Variants in OPCML observed in about 807,000 individuals in gnomAD.
The protein encoded by OPCML is opioid binding protein/cell adhesion molecule like.
Under a neutral mutation model 37.8 loss-of-function variants are expected in OPCML, and 13 were observed. That is an observed-to-expected ratio of 0.34 (90% CI 0.22 to 0.55). The LOEUF (loss-of-function observed/expected upper bound fraction) is 0.55, where lower values mean the gene tolerates loss of function less well. OPCML is among the 20% of genes least tolerant of loss of function. OPCML has a pLI of 0.91. For missense variants in OPCML, 341 were observed against 435.6 expected, an observed-to-expected ratio of 0.78 and a Z score of 1.93; for synonymous variants, 176 against 168.8, an observed-to-expected ratio of 1.04 and a Z score of -0.33.
At chr11:132,454,102 G>T (rs1453576265) in intron 4 of OPCML, among the ~76,000 whole-genome samples, 1 of 152,178 alleles carries the variant, frequency 6.6e-6, no homozygotes, top group African/African-American at 2.4e-5. Flanking sequence ...GCGGGGGAAG[G>T]TTAAGAAACC....
At chr11:132,711,818 C>A (rs1028459060) in intron 2 of OPCML, among the ~76,000 whole-genome samples, 1 of 152,164 alleles carries the variant, frequency 6.6e-6, no homozygotes, top group African/African-American at 2.4e-5. Flanking sequence ...TGTACACAAG[C>A]ACAGAGATCC....
intron 1 of OPCML, among the ~76,000 whole-genome samples, chr11:132,958,695 T>C (rs1946020855): frequency 6.6e-6 from 1 of 152,212 alleles, no homozygotes; most frequent in Non-Finnish European, 1.5e-5. Flanking sequence ...TTAAGAATCA[T>C]GCCAAATCTA....
At chr11:133,499,608 T>A (rs1016434598) in intron 1 of OPCML, among the ~76,000 whole-genome samples, 5 of 151,780 alleles carry the variant, frequency 3.3e-5, no homozygotes, top group Admixed American at 3.3e-4. Flanking sequence ...AGGCAGACTC[T>A]CTGATGGATT....
At chr11:132,864,965 G>T (rs1038143965) in intron 2 of OPCML, among the ~76,000 whole-genome samples, 3 of 152,240 alleles carry the variant, frequency 2.0e-5, no homozygotes, top group African/African-American at 7.2e-5. Context: ...GTGGGAGAGC[G>T]GACAGCGAGC....
chr11:132,570,814 G>GAGAGAGAGAGAGAGAGAGAT (rs2096436562), intron 3 of OPCML, among the ~76,000 whole-genome samples: 1 of 124,278 alleles, frequency 8.0e-6, no homozygotes, highest in African/African-American at 3.0e-5. Context: ...TAGAGAGAGA[G>GAGAGAGAGAGAGAGAGAGAT]AGAGAGGATA....
At chr11:133,229,424 T>C (rs1592124773) in intron 1 of OPCML, among the ~76,000 whole-genome samples, 1 of 152,206 alleles carries the variant, frequency 6.6e-6, no homozygotes, top group Non-Finnish European at 1.5e-5. Flanking sequence ...AGTTTGAATA[T>C]GTCAAAGAGA....
intron 2 of OPCML, among the ~76,000 whole-genome samples, chr11:132,806,806 C>A (rs897267468): frequency 2.6e-5 from 4 of 152,244 alleles, no homozygotes; most frequent in Admixed American, 6.5e-5. Context: ...CATACACATT[C>A]TTTTCAAATG....
At chr11:133,326,054 T>G (rs1287351780) in intron 1 of OPCML, among the ~76,000 whole-genome samples, 2 of 152,134 alleles carry the variant, frequency 1.3e-5, no homozygotes, top group Admixed American at 6.5e-5. Context: ...TAAGCCTCAT[T>G]TCTTGCTCAT....
At chr11:133,426,560 G>T (rs1236003067) in intron 1 of OPCML, among the ~76,000 whole-genome samples, 1 of 152,122 alleles carries the variant, frequency 6.6e-6, no homozygotes, top group African/African-American at 2.4e-5. Context: ...AAAAGAGAAA[G>T]CTGCACCCTC....
chr11:132,587,393 T>C (rs1454493165), intron 3 of OPCML, among the ~76,000 whole-genome samples: 1 of 152,176 alleles, frequency 6.6e-6, no homozygotes, highest in African/African-American at 2.4e-5. Context: ...AATCATAAGA[T>C]TGGGCAGCCC....
chr11:133,468,304 C>T (rs556548209), intron 1 of OPCML, among the ~76,000 whole-genome samples: 15 of 152,298 alleles, frequency 9.8e-5, no homozygotes, highest in Admixed American at 3.3e-4. Context: ...TCAAACGTGG[C>T]TCTTTTCCTA....
chr11:132,781,578 C>A (rs1298248443), intron 2 of OPCML, among the ~76,000 whole-genome samples: 2 of 149,054 alleles, frequency 1.3e-5, no homozygotes, highest in Non-Finnish European at 3.0e-5. Context: ...GTATATACAC[C>A]CACACACACA....
intron 1 of OPCML, among the ~76,000 whole-genome samples, chr11:133,139,288 G>A (rs1949734702): frequency 6.6e-6 from 1 of 152,180 alleles, no homozygotes; most frequent in Non-Finnish European, 1.5e-5. Flanking sequence ...ATCGTTGCTA[G>A]CACTTTTACA....
chr11:132,758,928 G>A (rs886456549), intron 2 of OPCML, among the ~76,000 whole-genome samples: 3 of 152,132 alleles, frequency 2.0e-5, no homozygotes, highest in Admixed American at 6.5e-5. Flanking sequence ...TATGATATTG[G>A]TTGTGGGTTT....
chr11:132,914,779 A>G (rs1021368524), intron 2 of OPCML, among the ~76,000 whole-genome samples: 2 of 152,212 alleles, frequency 1.3e-5, no homozygotes, highest in East Asian at 3.9e-4. Context: ...GTGTGAAACC[A>G]GAGCCCCAAG....
intron 1 of OPCML, among the ~76,000 whole-genome samples, chr11:133,001,298 G>GCA (rs991385356): frequency 1.3e-5 from 2 of 151,970 alleles, no homozygotes; most frequent in African/African-American, 2.4e-5. Flanking sequence ...TTACACATGT[G>GCA]CACACACACA....
intron 1 of OPCML, chr11:133,117,773 A>G: frequency 1.0e-6 from 1 of 981,314 alleles, no homozygotes; most frequent in Non-Finnish European, 1.2e-6. Flanking sequence ...TGGAATACTA[A>G]GCAAGAGAAA....
At chr11:133,136,472 C>G (rs962465463) in intron 1 of OPCML, among the ~76,000 whole-genome samples, 4 of 152,068 alleles carry the variant, frequency 2.6e-5, no homozygotes, top group Non-Finnish European at 4.4e-5. Flanking sequence ...AATACTGAAG[C>G]CTTTGTAGCA....
At chr11:132,620,873 A>T (rs1435017904) in intron 3 of OPCML, among the ~76,000 whole-genome samples, 1 of 152,140 alleles carries the variant, frequency 6.6e-6, no homozygotes, top group Non-Finnish European at 1.5e-5. Flanking sequence ...GAAGAATCAC[A>T]TTTCATCTGA....
Sources: allele counts gnomAD v4.1 joint callset (sites outside exome capture counted in the v4.1 genomes callset), GRCh38; gene constraint gnomAD v4.1.1; transcripts MANE v1.5; gene names NCBI Gene and HGNC (gene_info 2026-07-23, HGNC 2026-07-21).